The following GRM8 variants were observed in gnomAD, a reference collection of about 807,000 sequenced individuals.
GRM8 encodes glutamate metabotropic receptor 8.
A neutral mutation model predicts 87.2 loss-of-function variants in GRM8; 47 were observed. That is an observed-to-expected ratio of 0.54 (90% CI 0.43 to 0.69). The LOEUF is 0.69. Among genes scored for constraint, GRM8 ranks in the 30% least tolerant of loss-of-function variants. GRM8 has a pLI of 0.00. For missense variants in GRM8, 1,019 were observed against 1,139.2 expected (o/e 0.89, Z 1.52); for synonymous variants, 396 against 404.5 (o/e 0.98, Z 0.25).
rs1195189457 is a variant in GRM8, at chr7:126,561,763, T to C, written c.1495-27876A>G. ...TTAGCATTAGGTATATCTCCTAATG[T>C]TATCCCTCCCCCCTCCCCCCACCCC... On this transcript the variant is annotated intron_variant, in intron 8 of 10. Transcript: ENST00000339582. 2.2e-3 allele frequency among the ~76,000 whole-genome samples: 318 copies of C among 141,614 alleles called. 3 individuals carry two copies. Among genetic ancestry groups the C allele is most frequent in the African/African-American group, 7.8e-3 (302 of 38,476 alleles). The allele number at this position is 141,614 out of a possible 152,430, so 92.9% of individuals were successfully genotyped here.
chr7:127,102,929 C>T (rs1230068452), intron 3 of GRM8, among the ~76,000 whole-genome samples: 1 of 152,186 alleles, frequency 6.6e-6, no homozygotes, highest in Non-Finnish European at 1.5e-5. Context: ...TTGGTGGAAT[C>T]TCGGCTCACT....
intron 6 of GRM8, among the ~76,000 whole-genome samples, chr7:126,770,875 GGGT>G (rs1215836572): frequency 6.6e-6 from 1 of 151,964 alleles, no homozygotes; most frequent in Admixed American, 6.6e-5. Flanking sequence ...GGGGTACATG[GGGT>G]ACATAGGGCA....
chr7:126,521,249 T>C (rs1027886596), intron 9 of GRM8, among the ~76,000 whole-genome samples: 2 of 152,194 alleles, frequency 1.3e-5, no homozygotes, highest in Admixed American at 1.3e-4. Context: ...AGCTGTATTC[T>C]ATAGGATTTA....
chr7:127,213,032 C>T (rs1461318848), intron 2 of GRM8, among the ~76,000 whole-genome samples: 1 of 152,216 alleles, frequency 6.6e-6, no homozygotes, highest in Non-Finnish European at 1.5e-5. Flanking sequence ...AATTCTGCAA[C>T]TCACTGGATG....
At chr7:126,914,811 G>C (rs1188818331) in intron 3 of GRM8, among the ~76,000 whole-genome samples, 2 of 152,082 alleles carry the variant, frequency 1.3e-5, no homozygotes, top group Non-Finnish European at 2.9e-5. Flanking sequence ...TTCCTATTGG[G>C]TACTATGTTC....
At chr7:126,446,521 A>G (rs1180896013) in intron 9 of GRM8, 149 bp from the exon 10 acceptor site, 1 of 599,022 alleles carries the variant, frequency 1.7e-6, no homozygotes. Context: ...ATTATAGTCA[A>G]CCATTCCTGT....
chr7:126,949,945 T>A (rs1386085078), intron 3 of GRM8, among the ~76,000 whole-genome samples: 3 of 152,176 alleles, frequency 2.0e-5, no homozygotes, highest in Non-Finnish European at 4.4e-5. Flanking sequence ...CCTGTAGGCT[T>A]CTGTCGAGTA....
At position 126,453,049 on chromosome 7, in the gene GRM8, A is replaced by G. The variant is rs1802808384; in HGVS notation, c.2431-6677T>C. ...CTTCTCTCTCAAAATCAGCTTCAAGACTTTTAGCCTTTATAGCAGAAACAC... is the reference window on the plus strand; with the variant it reads ...CTTCTCTCTCAAAATCAGCTTCAAGGCTTTTAGCCTTTATAGCAGAAACAC... On this transcript the variant is annotated intron_variant, in intron 9 of 10. Transcript: ENST00000339582. Among the ~76,000 whole-genome samples, 9 of 149,828 alleles carry G rather than the reference A, an allele frequency of 6.0e-5. No homozygotes were observed. In the South Asian group the frequency reaches 1.9e-3, roughly 32 times the overall value.
At chr7:126,643,178 T>A (rs1238248361) in intron 7 of GRM8, among the ~76,000 whole-genome samples, 2 of 149,698 alleles carry the variant, frequency 1.3e-5, no homozygotes, top group African/African-American at 2.5e-5. Context: ...TGGTCCCAGC[T>A]ACTTGGGAGG....
At chr7:126,691,117 G>A (rs1808761629) in intron 7 of GRM8, among the ~76,000 whole-genome samples, 1 of 152,174 alleles carries the variant, frequency 6.6e-6, no homozygotes, top group African/African-American at 2.4e-5. Flanking sequence ...TGGCGTCCAG[G>A]CTATTCATGC....
At chr7:126,535,094 C>G (rs374512031) in intron 8 of GRM8, among the ~76,000 whole-genome samples, 3 of 152,198 alleles carry the variant, frequency 2.0e-5, no homozygotes, top group South Asian at 4.1e-4. Flanking sequence ...TTCATAAGTT[C>G]GCCTTTACTA....
At chr7:126,743,810 T>C (rs1815310411) in intron 7 of GRM8, among the ~76,000 whole-genome samples, 1 of 152,044 alleles carries the variant, frequency 6.6e-6, no homozygotes, top group South Asian at 2.1e-4. Context: ...CCCCAGACCC[T>C]TTCCAGTGAT....
At chr7:126,594,886 G>C (rs1157033092) in intron 8 of GRM8, among the ~76,000 whole-genome samples, 1 of 152,026 alleles carries the variant, frequency 6.6e-6, no homozygotes, top group African/African-American at 2.4e-5. Context: ...TCTGAGACAA[G>C]ACATCACTCT....
At chr7:127,098,997 C>T (rs1037896513) in intron 3 of GRM8, among the ~76,000 whole-genome samples, 2 of 152,256 alleles carry the variant, frequency 1.3e-5, no homozygotes, top group Admixed American at 6.5e-5. Flanking sequence ...AGCTTCCTTG[C>T]CCCTTATAAT....
intron 8 of GRM8, among the ~76,000 whole-genome samples, chr7:126,608,996 C>T (rs1181667504): frequency 6.6e-6 from 1 of 151,828 alleles, no homozygotes; most frequent in Non-Finnish European, 1.5e-5. Flanking sequence ...TTTTTTTAAG[C>T]CCAAATTTAT....
chr7:126,541,600 G>A (rs1272464580), intron 8 of GRM8, among the ~76,000 whole-genome samples: 1 of 152,206 alleles, frequency 6.6e-6, no homozygotes, highest in Non-Finnish European at 1.5e-5. Flanking sequence ...CAAGACTAGA[G>A]AGAAGTCAAT....
intron 9 of GRM8, among the ~76,000 whole-genome samples, chr7:126,481,206 G>A (rs113083742): frequency 0.029 from 4,370 of 151,950 alleles, 81 homozygotes; most frequent in Non-Finnish European, 0.047. Context: ...ATTAGTGAAC[G>A]AAAAAGGAAT....
At chr7:126,937,368 C>G (rs565908972) in intron 3 of GRM8, among the ~76,000 whole-genome samples, 6 of 152,206 alleles carry the variant, frequency 3.9e-5, no homozygotes, top group African/African-American at 7.2e-5. Flanking sequence ...AGCAGACAGA[C>G]TGGAATTTTT....
At chr7:126,485,382 T>A (rs996422460) in intron 9 of GRM8, among the ~76,000 whole-genome samples, 1 of 151,002 alleles carries the variant, frequency 6.6e-6, no homozygotes, top group African/African-American at 2.4e-5. Flanking sequence ...GTGGGGGGCA[T>A]GAAAGGCTTT....
Sources: allele counts gnomAD v4.1 joint callset (sites outside exome capture counted in the v4.1 genomes callset), GRCh38; gene constraint gnomAD v4.1.1; transcripts MANE v1.5; gene names NCBI Gene and HGNC (gene_info 2026-07-23, HGNC 2026-07-21).